The following NARS2 variants were observed in gnomAD, a reference collection of about 807,000 sequenced individuals.
NARS2 encodes asparaginyl-tRNA synthetase 2, mitochondrial.
A neutral mutation model predicts 62.9 loss-of-function variants in NARS2; 60 were observed. The ratio of observed to expected loss-of-function variants is 0.95; its 90% CI spans 0.77 to 1.18. NARS2 has a LOEUF of 1.18. Ranked by LOEUF, NARS2 falls within the 50% of genes most tolerant of loss-of-function variation. The pLI, the probability that NARS2 is intolerant of heterozygous loss-of-function variation, is 0.00. For missense variants in NARS2, 619 were observed against 576.4 expected (o/e 1.07, Z -0.76); for synonymous variants, 196 against 200.0 (o/e 0.98, Z 0.17).
chr11:78,545,075 T>TA (rs1295108618), intron 5 of NARS2, among the ~76,000 whole-genome samples: 6 of 152,162 alleles, frequency 3.9e-5, no homozygotes, highest in Non-Finnish European at 7.4e-5. Flanking sequence ...AAAGGCTACT[T>TA]ACATTCTTCT....
intron 13 of NARS2, among the ~76,000 whole-genome samples, chr11:78,438,242 G>T (rs1220654867): frequency 1.3e-5 from 2 of 151,766 alleles, no homozygotes; most frequent in Non-Finnish European, 2.9e-5. Flanking sequence ...GTTGTAATCA[G>T]GTAAGAGACC....
At chr11:78,529,080 C>A in intron 5 of NARS2, 144 bp from the exon 6 acceptor site, 1 of 606,578 alleles carries the variant, frequency 1.6e-6, no homozygotes, top group Non-Finnish European at 2.9e-6. Flanking sequence ...AAGGTAGTTA[C>A]ACATCTAAGA....
chr11:78,446,651 G>T (rs1367294251), intron 11 of NARS2, among the ~76,000 whole-genome samples: 6 of 152,084 alleles, frequency 3.9e-5, no homozygotes, highest in Admixed American at 3.3e-4. Flanking sequence ...CAGTATCCTT[G>T]AAACAGAGCA....
intron 13 of NARS2, among the ~76,000 whole-genome samples, chr11:78,437,584 C>T (rs1269774634): frequency 6.6e-6 from 1 of 152,106 alleles, no homozygotes; most frequent in African/African-American, 2.4e-5. Context: ...CACACCAGCA[C>T]TGGAAAAAGT....
At chr11:78,475,065 T>C (rs1859032352) in intron 9 of NARS2, among the ~76,000 whole-genome samples, 1 of 152,176 alleles carries the variant, frequency 6.6e-6, no homozygotes, top group African/African-American at 2.4e-5. Flanking sequence ...ACAATTTCTT[T>C]CCATTCCCTT....
At chr11:78,467,772 T>C (rs1473894245) in intron 10 of NARS2, among the ~76,000 whole-genome samples, 18 of 152,076 alleles carry the variant, frequency 1.2e-4, no homozygotes, top group Non-Finnish European at 2.9e-5. Flanking sequence ...TTAACTAATT[T>C]GATTATGATA....
intron 6 of NARS2, among the ~76,000 whole-genome samples, chr11:78,509,882 T>A (rs532507516): frequency 6.6e-6 from 1 of 151,694 alleles, no homozygotes; most frequent in South Asian, 2.1e-4. Context: ...AGTTTTTGTA[T>A]GTTACTGAAG....
At chr11:78,445,852 T>G (rs1400418268) in intron 11 of NARS2, among the ~76,000 whole-genome samples, 2 of 152,124 alleles carry the variant, frequency 1.3e-5, no homozygotes, top group Non-Finnish European at 2.9e-5. Context: ...CCCGGCTACT[T>G]GTCAAACTGA....
chr11:78,458,533 A>C (rs762755370), intron 11 of NARS2, among the ~76,000 whole-genome samples: 3 of 152,206 alleles, frequency 2.0e-5, no homozygotes, highest in Non-Finnish European at 1.5e-5. Flanking sequence ...CTCTATAGCC[A>C]CTAGACTTTC....
intron 5 of NARS2, among the ~76,000 whole-genome samples, chr11:78,544,127 C>T (rs537365145): frequency 9.0e-4 from 135 of 150,094 alleles, no homozygotes; most frequent in Non-Finnish European, 1.6e-3. Context: ...ACCTAAAATA[C>T]AGCATTAGAC....
chr11:78,532,735 T>C (rs753339219), intron 5 of NARS2, among the ~76,000 whole-genome samples: 2 of 152,184 alleles, frequency 1.3e-5, no homozygotes, highest in Non-Finnish European at 2.9e-5. Flanking sequence ...CATCCTTCCT[T>C]TTTCATGTAC....
chr11:78,455,823 CA>C (rs1370366316), intron 11 of NARS2, among the ~76,000 whole-genome samples: 1 of 151,794 alleles, frequency 6.6e-6, no homozygotes, highest in African/African-American at 2.4e-5. Context: ...TATACTGCTG[CA>C]CTGAGAGGTA....
chr11:78,455,699 A>C (rs1277995375), intron 11 of NARS2, among the ~76,000 whole-genome samples: 1 of 151,812 alleles, frequency 6.6e-6, no homozygotes, highest in African/African-American at 2.4e-5. Flanking sequence ...ACCCCACACA[A>C]ACTCTTCACT....
At chr11:78,450,332 C>T (rs1013372109) in intron 11 of NARS2, among the ~76,000 whole-genome samples, 17 of 152,154 alleles carry the variant, frequency 1.1e-4, no homozygotes, top group African/African-American at 3.6e-4. Flanking sequence ...AGGCTATTTT[C>T]ACGGGATAAA....
chr11:78,459,617 C>T (rs1291584147), intron 11 of NARS2, among the ~76,000 whole-genome samples: 2 of 152,192 alleles, frequency 1.3e-5, no homozygotes, highest in Admixed American at 6.5e-5. Context: ...CTCTCTCATT[C>T]TCTCTTGCTG....
rs143993767 is a variant in NARS2 at position 78,502,554 on chromosome 11, T to G, written c.690-9359A>C. Among the ~76,000 whole-genome samples the G allele has an allele frequency of 9.2e-3, 1,405 of 152,300 alleles. 8 individuals are homozygous for G. The highest frequency in any genetic ancestry group is 0.017 in the Middle Eastern group (5 of 294). On this transcript the variant is annotated intron_variant, in intron 6 of 13. Coordinates refer to ENST00000281038, the MANE Select transcript of NARS2 (RefSeq NM_024678.6). ...CCTAGGGGAGAGGCAATTCAGTACA[T>G]AACAGAGAACAACTGCTTTACGGGT... is the stretch of plus-strand genomic sequence containing the variant.
chr11:78,443,805 C>A, intron 11 of NARS2, 47 bp from the exon 12 acceptor site: 1 of 1,385,426 alleles, frequency 7.2e-7, no homozygotes, highest in Non-Finnish European at 1.0e-6. Context: ...CAGGTGATTC[C>A]AACAGTCAGT....
At chr11:78,521,334 G>T (rs377413941) in intron 6 of NARS2, among the ~76,000 whole-genome samples, 34 of 151,660 alleles carry the variant, frequency 2.2e-4, no homozygotes, top group African/African-American at 3.4e-4. Flanking sequence ...TTGGTTTTTG[G>T]TTTTTTTGTT....
chr11:78,547,821 AGGTAGTGT>A (rs1177586421), intron 5 of NARS2, among the ~76,000 whole-genome samples: 3 of 152,242 alleles, frequency 2.0e-5, no homozygotes, highest in Non-Finnish European at 4.4e-5. Context: ...TAAGTGTTCC[AGGTAGTGT>A]GGAGGACACA....
Sources: allele counts gnomAD v4.1 joint callset (sites outside exome capture counted in the v4.1 genomes callset), GRCh38; gene constraint gnomAD v4.1.1; transcripts MANE v1.5; gene names NCBI Gene and HGNC (gene_info 2026-07-23, HGNC 2026-07-21).